The following NCKAP1L variants were observed in gnomAD, a reference collection of about 807,000 sequenced individuals.
NCKAP1L encodes nck-associated protein 1-like.
Under a neutral mutation model 139.2 loss-of-function variants are expected in NCKAP1L, and 53 were observed. That is an observed-to-expected ratio of 0.38 (90% confidence interval 0.31 to 0.48). The LOEUF is 0.48. Ranked by LOEUF, NCKAP1L falls within the 20% of genes least tolerant of loss-of-function variation. The pLI is 0.98. For synonymous variants in NCKAP1L, 468 were observed against 499.7 expected (o/e 0.94, Z 0.85); for missense variants, 1,151 against 1,381.9 (o/e 0.83, Z 2.65).
intron 27 of NCKAP1L, among the ~76,000 whole-genome samples, chr12:54,535,727 C>A (rs528261124): frequency 9.2e-5 from 14 of 152,336 alleles, no homozygotes; most frequent in Non-Finnish European, 1.9e-4. Flanking sequence ...ACAGGATGAA[C>A]CAAGGGGCTA....
chr12:54,521,900 G>A (rs192056424), intron 18 of NCKAP1L, among the ~76,000 whole-genome samples: 34 of 152,020 alleles, frequency 2.2e-4, no homozygotes, highest in Non-Finnish European at 3.7e-4. Context: ...GTGTGTGTGT[G>A]TGTGTGTGTG....
chr12:54,518,716 T>A lies in NCKAP1L; in HGVS notation c.1404T>A (p.Ser468=). The part of the protein sequence containing the change: ...IMSSFVSILS[S]LNLKQVDNGE... ...CCTCATTCGTCAGTATCCTCTCCTCTCTGAATCTCAAACAAGGTAACTGGA... is the reference window on the plus strand; with the variant it reads ...CCTCATTCGTCAGTATCCTCTCCTCACTGAATCTCAAACAAGGTAACTGGA... Residue 468 remains serine (S), a synonymous_variant, in exon 14 of 31, where the codon TCT becomes TCA. Coordinates refer to ENST00000293373, the MANE Select transcript of NCKAP1L (RefSeq NM_005337.5). The A allele has an allele frequency of 6.8e-6, 11 of 1,613,596 alleles. No homozygotes were observed. Among genetic ancestry groups the A allele is most frequent in the Non-Finnish European group, 9.3e-6 (11 of 1,179,550 alleles).
At chr12:54,505,159 T>A (rs568369644) in intron 3 of NCKAP1L, among the ~76,000 whole-genome samples, 2 of 152,354 alleles carry the variant, frequency 1.3e-5, no homozygotes, top group Admixed American at 1.3e-4. Flanking sequence ...ATTTATGATG[T>A]CACCCGGCTC....
chr12:54,538,551 T>A (rs1256295657), intron 29 of NCKAP1L, among the ~76,000 whole-genome samples: 3 of 152,148 alleles, frequency 2.0e-5, no homozygotes, highest in Non-Finnish European at 2.9e-5. Context: ...CTGATGACAG[T>A]GGTGTCTGGA....
Position 54,521,148 on chromosome 12 carries a change from C to G in NCKAP1L, c.1788C>G (p.His596Gln). ...CCCACCTCAAGAACCATGGTCTTCA[C>G]CACTGCAACTCCTTCCTGGAAGAGT... The part of the protein sequence containing the change: ...EYPHLKNHGL[H>Q]HCNSFLEELA... Residue 596 changes from histidine (H) to glutamine (Q), a missense_variant, in exon 18 of 31, where the codon CAC becomes CAG. His to Gln is a conservative substitution (Grantham distance 24, BLOSUM62 0). Transcript: ENST00000293373. 1 of 1,614,058 alleles carries G rather than the reference C, an allele frequency of 6.2e-7. No individual in the cohort carries two copies. The highest frequency in any genetic ancestry group is 8.5e-7 in the Non-Finnish European group (1 of 1,180,000).
rs371322329 is a variant in NCKAP1L at position 54,538,944 on chromosome 12, C to A, written c.3244C>A (p.Arg1082=). ...QETDKLKTRN[R]ESISLLMRLV... ...GACTGACAAGCTTAAAACCAGAAAT[C>A]GAGAATCCATTTCTCTGCTCATGCG... is the stretch of plus-strand genomic sequence containing the variant. Residue 1082 remains arginine (R), a synonymous_variant, in exon 30 of 31, where the codon CGA becomes AGA. Transcript: ENST00000293373. 6.2e-7 allele frequency: 1 copy of A among 1,614,002 alleles called. No homozygotes were observed. The highest frequency in any genetic ancestry group is 8.5e-7 in the Non-Finnish European group (1 of 1,179,920).
chr12:54,532,474 G>A (rs1051253282), intron 26 of NCKAP1L, among the ~76,000 whole-genome samples: 2 of 152,072 alleles, frequency 1.3e-5, no homozygotes, highest in African/African-American at 4.8e-5. Context: ...CACTATGAGG[G>A]TTGGGGAGAC....
chr12:54,531,263 T>C lies in NCKAP1L; in HGVS notation c.2510T>C (p.Met837Thr), dbSNP rs745462453. ...GGCCTCTGTAACTCTGTTCCAGAGA[T>C]GCGGGCCTTGGCAGAACTCCTGGGC... ...SAEEFSDISE[M>T]RALAELLGPY... The change falls in exon 23 of 31, where the codon ATG becomes ACG. Residue 837 changes from methionine (M) to threonine (T), a missense_variant. Transcript: ENST00000293373. 3 of 1,614,080 alleles carry C rather than the reference T, an allele frequency of 1.9e-6. No homozygotes were observed. Among genetic ancestry groups the C allele is most frequent in the Non-Finnish European group, 2.5e-6 (3 of 1,179,924 alleles).
chr12:54,504,891 G>A (rs1956828019), intron 3 of NCKAP1L, among the ~76,000 whole-genome samples: 1 of 152,226 alleles, frequency 6.6e-6, no homozygotes, highest in Non-Finnish European at 1.5e-5. Flanking sequence ...ATTCTTGTCT[G>A]TAGAGAATAA....
intron 19 of NCKAP1L, 64 bp from the exon 20 acceptor site, chr12:54,523,761 A>C (rs969032199): frequency 2.6e-6 from 4 of 1,567,836 alleles, no homozygotes; most frequent in Non-Finnish European, 3.5e-6. Flanking sequence ...TGGGCCCAAC[A>C]CGTCCTTCCT....
intron 9 of NCKAP1L, among the ~76,000 whole-genome samples, chr12:54,514,540 C>T (rs1056354947): frequency 1.3e-5 from 2 of 152,128 alleles, no homozygotes; most frequent in East Asian, 3.9e-4. Flanking sequence ...CCAGGCTGGT[C>T]GCAAACTCCT....
intron 26 of NCKAP1L, among the ~76,000 whole-genome samples, chr12:54,534,669 T>C (rs1957100051): frequency 6.6e-6 from 1 of 152,144 alleles, no homozygotes; most frequent in Non-Finnish European, 1.5e-5. Flanking sequence ...AAGTTGTAGT[T>C]TGGGGACAGT....
At chr12:54,520,165 A>G (rs1319656078) in intron 16 of NCKAP1L, among the ~76,000 whole-genome samples, 1 of 152,204 alleles carries the variant, frequency 6.6e-6, no homozygotes, top group African/African-American at 2.4e-5. Flanking sequence ...GTAGTTGGGG[A>G]GATATAATAC....
At chr12:54,519,075 T>C (rs1260914917) in intron 15 of NCKAP1L, 103 bp downstream of exon 15, 1 of 1,560,648 alleles carries the variant, frequency 6.4e-7, no homozygotes, top group Non-Finnish European at 8.8e-7. Flanking sequence ...GTGAGTCAAC[T>C]TTGAAAACTG....
At chr12:54,536,597 G>A (rs1957114806) in intron 28 of NCKAP1L, 1 of 315,630 alleles carries the variant, frequency 3.2e-6, no homozygotes, top group African/African-American at 2.2e-5. Flanking sequence ...GGTCAAGGTT[G>A]TAGTGAGCCA....
intron 30 of NCKAP1L, among the ~76,000 whole-genome samples, chr12:54,540,509 G>A (rs953256140): frequency 2.0e-5 from 3 of 152,190 alleles, no homozygotes; most frequent in Non-Finnish European, 4.4e-5. Context: ...CCTTGGCAAG[G>A]CAATGAACTC....
Position 54,542,928 on chromosome 12 carries a change from T to C in NCKAP1L, c.*243T>C. The C allele has an allele frequency of 2.3e-6, 1 of 433,510 alleles. No individual in the cohort carries two copies. The highest frequency in any genetic ancestry group is 4.6e-5 in the South Asian group (1 of 21,552). The allele number at this position is 433,510 out of a possible 1,614,324, so 26.9% of individuals were successfully genotyped here. ...GAAAAAGTTAGGGCGTGGGGCCACA[T>C]GTGTGAATTTTACAATGAAAAAAGG... On this transcript the variant is annotated 3_prime_UTR_variant, in exon 31 of 31. Coordinates refer to ENST00000293373, the MANE Select transcript of NCKAP1L (RefSeq NM_005337.5).
chr12:54,510,036 A>G (rs1272087750), intron 7 of NCKAP1L, 51 bp downstream of exon 7: 1 of 1,606,704 alleles, frequency 6.2e-7, no homozygotes, highest in Admixed American at 1.7e-5. Context: ...TGCCAAGGCC[A>G]TCATCTCTGT....
chr12:54,546,478 A>T lies in NCKAP1L; in HGVS notation c.*3793A>T, dbSNP rs1957198664. On this transcript the variant is annotated 3_prime_UTR_variant, in exon 31 of 31. Transcript: ENST00000293373. ...TGTGCTGTGAATACCAGGATCCAGG[A>T]GGGAGGGAGGGTATATCTGTGTCCC... 1 of 151,936 alleles carries T rather than the reference A, an allele frequency of 6.6e-6. No homozygotes were observed. Among genetic ancestry groups the T allele is most frequent in the South Asian group, 2.1e-4 (1 of 4,812 alleles). 9.4% of individuals were successfully genotyped at this position (151,936 alleles called of 1,614,324 possible).
Sources: allele counts gnomAD v4.1 joint callset (sites outside exome capture counted in the v4.1 genomes callset), GRCh38; gene constraint gnomAD v4.1.1; transcripts MANE v1.5; gene names NCBI Gene and HGNC (gene_info 2026-07-23, HGNC 2026-07-21).